The following LRP1B variants were observed in gnomAD, a reference collection of about 807,000 sequenced individuals.
The protein encoded by LRP1B is low-density lipoprotein receptor-related protein 1B.
A neutral mutation model predicts 556.6 loss-of-function variants in LRP1B; 217 were observed. The observed-to-expected ratio is 0.39, with a 90% confidence interval of 0.35 to 0.44. LRP1B has a LOEUF of 0.44. Among genes scored for constraint, LRP1B ranks in the 20% least tolerant of loss-of-function variants. The probability of loss-of-function intolerance (pLI) is 1.00; values close to 1 mark genes in which losing one functional copy is unlikely to be tolerated. For missense variants in LRP1B, 5,053 were observed against 5,620.8 expected, an observed-to-expected ratio of 0.90 and a Z score of 3.23; for synonymous variants, 2,047 against 1,865.8, an observed-to-expected ratio of 1.10 and a Z score of -2.50.
chr2:140,304,229 C>T (rs111886154), intron 83 of LRP1B, among the ~76,000 whole-genome samples: 2,636 of 152,208 alleles, frequency 0.017, 81 homozygotes, highest in African/African-American at 0.06. Flanking sequence ...CTTGAGGAGT[C>T]GCCACACTGT....
intron 66 of LRP1B, among the ~76,000 whole-genome samples, chr2:140,390,246 G>A (rs11896219): frequency 0.67 from 102,532 of 152,108 alleles, 34,892 homozygotes; most frequent in Non-Finnish European, 0.73. Context: ...AAGACTTACT[G>A]TAAAGCTACA....
intron 25 of LRP1B, among the ~76,000 whole-genome samples, chr2:140,877,753 C>T (rs1210967859): frequency 6.6e-6 from 1 of 152,134 alleles, no homozygotes; most frequent in Non-Finnish European, 1.5e-5. Flanking sequence ...CGAGTTGTCC[C>T]ACCAATGTTC....
intron 7 of LRP1B, among the ~76,000 whole-genome samples, chr2:141,162,942 C>T (rs1680098882): frequency 6.6e-6 from 1 of 152,084 alleles, no homozygotes; most frequent in African/African-American, 2.4e-5. Context: ...GTTCATCAGA[C>T]ATGCAGAAGA....
intron 1 of LRP1B, among the ~76,000 whole-genome samples, chr2:142,069,815 T>A (rs1482923357): frequency 1.4e-5 from 2 of 147,984 alleles, no homozygotes; most frequent in Admixed American, 1.4e-4. Flanking sequence ...ATTTATATAT[T>A]TTAAAAGATT....
chr2:140,289,604 CTTTT>C (rs199993173), intron 84 of LRP1B, among the ~76,000 whole-genome samples: 1 of 143,970 alleles, frequency 6.9e-6, no homozygotes, highest in Non-Finnish European at 1.5e-5. Context: ...ATTATTTTTA[CTTTT>C]TTTTTTAATG....
intron 43 of LRP1B, among the ~76,000 whole-genome samples, chr2:140,554,495 C>T (rs1190357273): frequency 2.0e-5 from 3 of 152,022 alleles, no homozygotes; most frequent in Admixed American, 6.6e-5. Flanking sequence ...CTTTCAGACA[C>T]ATTCATTTTG....
At chr2:141,807,865 G>A (rs1378117246) in intron 2 of LRP1B, among the ~76,000 whole-genome samples, 1 of 152,026 alleles carries the variant, frequency 6.6e-6, no homozygotes, top group Non-Finnish European at 1.5e-5. Context: ...GGTGCATACA[G>A]GCCTGGTACA....
At chr2:140,999,140 A>G (rs1435908670) in intron 15 of LRP1B, among the ~76,000 whole-genome samples, 2 of 152,096 alleles carry the variant, frequency 1.3e-5, no homozygotes, top group African/African-American at 2.4e-5. Context: ...TTCTATAAAC[A>G]TACTTTGTGT....
At chr2:140,828,954 A>T (rs1691622027) in intron 31 of LRP1B, among the ~76,000 whole-genome samples, 1 of 152,098 alleles carries the variant, frequency 6.6e-6, no homozygotes, top group Non-Finnish European at 1.5e-5. Context: ...CCATGTAAAT[A>T]AAAATCAAAA....
At chr2:141,928,510 G>T (rs1700399103) in intron 1 of LRP1B, among the ~76,000 whole-genome samples, 1 of 152,034 alleles carries the variant, frequency 6.6e-6, no homozygotes, top group African/African-American at 2.4e-5. Context: ...TGCTTATATT[G>T]TTCTTTCAAA....
chr2:140,927,628 GATC>G (rs1227124635), intron 20 of LRP1B, among the ~76,000 whole-genome samples: 2 of 150,404 alleles, frequency 1.3e-5, no homozygotes, highest in Non-Finnish European at 3.0e-5. Flanking sequence ...GCTATTATAA[GATC>G]ATGATAAAAT....
intron 2 of LRP1B, among the ~76,000 whole-genome samples, chr2:141,748,094 C>A (rs1028162933): frequency 9.9e-5 from 15 of 152,166 alleles, no homozygotes; most frequent in Non-Finnish European, 2.2e-4. Flanking sequence ...AATTTGATTA[C>A]ACCAAAGCTA....
At chr2:140,754,130 T>C (rs1212243805) in intron 35 of LRP1B, among the ~76,000 whole-genome samples, 1 of 152,176 alleles carries the variant, frequency 6.6e-6, no homozygotes, top group Non-Finnish European at 1.5e-5. Flanking sequence ...AAAGAACTGA[T>C]TTTATTTGAA....
At chr2:142,117,317 G>A (rs749098685) in intron 1 of LRP1B, among the ~76,000 whole-genome samples, 1 of 152,104 alleles carries the variant, frequency 6.6e-6, no homozygotes, top group Non-Finnish European at 1.5e-5. Context: ...TAGCAAGGGG[G>A]AGGAAGATGT....
intron 56 of LRP1B, 63 bp from the exon 57 acceptor site, chr2:140,492,756 T>G: frequency 1.7e-6 from 2 of 1,190,914 alleles, no homozygotes; most frequent in Non-Finnish European, 2.5e-6. Context: ...CTTTGCATAA[T>G]TTCAGTTTAG....
rs367754210 is a variant in LRP1B at position 141,000,451 on chromosome 2, C to T, written c.2503+4884G>A. On this transcript the variant is annotated intron_variant, in intron 15 of 90. Coordinates refer to ENST00000389484, the MANE Select transcript of LRP1B (RefSeq NM_018557.3). ...AGTGGATGTGAGGAGAAGCATCTGC[C>T]ATTGACTTGGTGATACCCAGAATAT... Among the ~76,000 whole-genome samples the T allele has an allele frequency of 7.2e-5, 11 of 152,148 alleles. No individual in the cohort carries two copies. The South Asian group carries it at 1.9e-3, about 26-fold the overall frequency.
At chr2:140,703,900 T>C (rs1686734935) in intron 37 of LRP1B, among the ~76,000 whole-genome samples, 1 of 152,198 alleles carries the variant, frequency 6.6e-6, no homozygotes, top group African/African-American at 2.4e-5. Context: ...TTTTGCAGTC[T>C]ACTATTGACG....
intron 60 of LRP1B, among the ~76,000 whole-genome samples, chr2:140,467,955 A>G (rs78837475): frequency 0.015 from 2,334 of 152,334 alleles, 60 homozygotes; most frequent in African/African-American, 0.051. Context: ...GAATGAACAA[A>G]CATTTGAGAG....
chr2:141,875,098 G>A (rs1698711083), intron 1 of LRP1B, among the ~76,000 whole-genome samples: 1 of 151,396 alleles, frequency 6.6e-6, no homozygotes, highest in Non-Finnish European at 1.5e-5. Flanking sequence ...ATATTGTGAT[G>A]TATATATTAT....
Sources: allele counts gnomAD v4.1 joint callset (sites outside exome capture counted in the v4.1 genomes callset), GRCh38; gene constraint gnomAD v4.1.1; transcripts MANE v1.5; gene names NCBI Gene and HGNC (gene_info 2026-07-23, HGNC 2026-07-21).